Variants in FARS2 observed in about 807,000 individuals in gnomAD.
FARS2 encodes the protein phenylalanyl-tRNA synthetase 2, mitochondrial.
A neutral mutation model predicts 46.4 loss-of-function variants in FARS2; 40 were observed. The observed-to-expected ratio is 0.86, with a 90% CI of 0.67 to 1.12. The LOEUF (loss-of-function observed/expected upper bound fraction) is 1.12. Ranked by LOEUF, FARS2 falls within the 50% of genes most tolerant of loss-of-function variation. FARS2 has a pLI of 0.00. For synonymous variants in FARS2, 234 were observed against 214.9 expected, an observed-to-expected ratio of 1.09 and a Z score of -0.78; for missense variants, 513 against 567.9, an observed-to-expected ratio of 0.90 and a Z score of 0.98.
At chr6:5,556,090 C>A (rs565668301) in intron 5 of FARS2, among the ~76,000 whole-genome samples, 1 of 152,060 alleles carries the variant, frequency 6.6e-6, no homozygotes, top group Non-Finnish European at 1.5e-5. Flanking sequence ...TGGATGATAG[C>A]GGGTACTGGA....
At position 5,765,636 on chromosome 6, in the gene FARS2, G is replaced by A. The variant is rs529303663; in HGVS notation, c.1218-5655G>A. Among the ~76,000 whole-genome samples, 35 of 152,290 alleles carry A rather than the reference G, an allele frequency of 2.3e-4. No homozygotes were observed. The highest frequency in any genetic ancestry group is 7.2e-4 in the African/African-American group (30 of 41,566). On this transcript the variant is annotated intron_variant, in intron 6 of 6. Transcript: ENST00000274680. This position sits in a 1 kb window ranked among gnomAD's most constrained non-coding sequence, Gnocchi z 4.0. ...AATTATGCACTGAAGAGCAAATCTC[G>A]GGAGAACATGAGGTTCCACGTGGGG...
At chr6:5,563,555 G>C (rs1772139560) in intron 5 of FARS2, among the ~76,000 whole-genome samples, 1 of 152,126 alleles carries the variant, frequency 6.6e-6, no homozygotes, top group Non-Finnish European at 1.5e-5. Flanking sequence ...CTGCTGTTAG[G>C]GGGTTTTGGG....
intron 4 of FARS2, among the ~76,000 whole-genome samples, chr6:5,463,542 G>A (rs1370847880): frequency 6.6e-6 from 1 of 152,132 alleles, no homozygotes; most frequent in Non-Finnish European, 1.5e-5. Flanking sequence ...AGGAGAAAGA[G>A]CATTGTTATG....
At chr6:5,641,423 T>G (rs1386363683) in intron 6 of FARS2, among the ~76,000 whole-genome samples, 1 of 152,086 alleles carries the variant, frequency 6.6e-6, no homozygotes, top group South Asian at 2.1e-4. Flanking sequence ...CAGCCGCCCA[T>G]GTAGCTGGGA....
Position 5,311,916 on chromosome 6 carries a change from C to T in FARS2, c.-22+50256C>T, listed in dbSNP as rs969078178. On this transcript the variant is annotated intron_variant, in intron 1 of 6. Transcript: ENST00000274680. This position sits in a 1 kb window ranked among gnomAD's most constrained non-coding sequence, Gnocchi z 4.1. The stretch of plus-strand genomic sequence containing the variant: ...TTAATTGTGGCCTCAAGTGAATTTG[C>T]CCATTGTAGGTTTGTCTGGGGGAGT... Among the ~76,000 whole-genome samples, 2 of 152,096 alleles carry T rather than the reference C, an allele frequency of 1.3e-5. No individual in the cohort carries two copies. The highest frequency in any genetic ancestry group is 4.8e-5 in the African/African-American group (2 of 41,422).
At chr6:5,318,366 A>G (rs1294802669) in intron 1 of FARS2, among the ~76,000 whole-genome samples, 2 of 145,226 alleles carry the variant, frequency 1.4e-5, no homozygotes, top group East Asian at 2.1e-4. Context: ...CTCAAGAAAA[A>G]GCAAACAAGC....
At chr6:5,274,673 C>G (rs1214163530) in intron 1 of FARS2, among the ~76,000 whole-genome samples, 2 of 152,006 alleles carry the variant, frequency 1.3e-5, no homozygotes, top group Non-Finnish European at 2.9e-5. Context: ...TTTCTGTTTT[C>G]AGCCACGATT....
chr6:5,495,088 T>A (rs78520545), intron 4 of FARS2, among the ~76,000 whole-genome samples: 1 of 152,242 alleles, frequency 6.6e-6, no homozygotes, highest in Non-Finnish European at 1.5e-5. Flanking sequence ...TTGTTTTCCC[T>A]CCTTCCCTCT....
At chr6:5,366,503 A>G (rs1758688317) in intron 1 of FARS2, among the ~76,000 whole-genome samples, 1 of 152,186 alleles carries the variant, frequency 6.6e-6, no homozygotes, top group African/African-American at 2.4e-5. Flanking sequence ...GGTGAATGAC[A>G]GTGGAGAATG....
chr6:5,326,410 A>C (rs1350173812), intron 1 of FARS2, among the ~76,000 whole-genome samples: 4 of 152,118 alleles, frequency 2.6e-5, no homozygotes, highest in Non-Finnish European at 5.9e-5. Context: ...CAAATCATTA[A>C]CGTCCAGCAC....
At chr6:5,644,673 T>G (rs751690979) in intron 6 of FARS2, among the ~76,000 whole-genome samples, 3 of 152,254 alleles carry the variant, frequency 2.0e-5, no homozygotes, top group Non-Finnish European at 4.4e-5. Context: ...TGTTAGGTGA[T>G]GTGCCCCAGA....
At chr6:5,589,065 G>A (rs1054398765) in intron 5 of FARS2, among the ~76,000 whole-genome samples, 11 of 152,180 alleles carry the variant, frequency 7.2e-5, no homozygotes, top group African/African-American at 2.7e-4. Context: ...GCTCCACGGT[G>A]ATGGGTGTGT....
chr6:5,710,433 A>G (rs1194698948), intron 6 of FARS2, among the ~76,000 whole-genome samples: 1 of 152,206 alleles, frequency 6.6e-6, no homozygotes, highest in Non-Finnish European at 1.5e-5. Flanking sequence ...CCCATCTTAA[A>G]CAACTAAAAA....
At chr6:5,616,017 A>C (rs1371858631) in intron 6 of FARS2, among the ~76,000 whole-genome samples, 4 of 150,452 alleles carry the variant, frequency 2.7e-5, no homozygotes, top group African/African-American at 9.7e-5. Context: ...TCTTAAAAAA[A>C]AAAAAAAAAA....
At chr6:5,319,913 A>C (rs566516689) in intron 1 of FARS2, among the ~76,000 whole-genome samples, 2 of 152,240 alleles carry the variant, frequency 1.3e-5, no homozygotes, top group South Asian at 4.1e-4. Flanking sequence ...AAATGACTGA[A>C]AGTTGGGATT....
intron 2 of FARS2, among the ~76,000 whole-genome samples, chr6:5,383,630 T>G (rs1309502189): frequency 6.6e-6 from 1 of 152,250 alleles, no homozygotes; most frequent in African/African-American, 2.4e-5. Flanking sequence ...TAATGGTCGC[T>G]GCCCTGCCCA....
chr6:5,317,652 G>A (rs1473536871), intron 1 of FARS2, among the ~76,000 whole-genome samples: 2 of 151,842 alleles, frequency 1.3e-5, no homozygotes, highest in Non-Finnish European at 2.9e-5. Context: ...TGGTGATGCG[G>A]GCCTGAAGTT....
At chr6:5,671,901 G>C (rs1388194934) in intron 6 of FARS2, among the ~76,000 whole-genome samples, 1 of 152,188 alleles carries the variant, frequency 6.6e-6, no homozygotes, top group Non-Finnish European at 1.5e-5. Context: ...CTGTTCCCCA[G>C]AAGACAGGGA....
chr6:5,270,178 A>G (rs1335768910), intron 1 of FARS2, among the ~76,000 whole-genome samples: 1 of 152,198 alleles, frequency 6.6e-6, no homozygotes, highest in Admixed American at 6.5e-5. Context: ...TGAAATAGAA[A>G]AAGCTTAGCA....
Sources: gnomAD v4.1 joint callset for allele counts (sites outside exome capture counted in the v4.1 genomes callset) on GRCh38, gnomAD v4.1.1 for gene constraint, Gnocchi (gnomAD v3.1) non-coding constraint, MANE v1.5 for transcripts, NCBI Gene and HGNC (gene_info 2026-07-23, HGNC 2026-07-21) for gene names.